The following CYFIP2 variants were observed in gnomAD, a reference collection of about 807,000 sequenced individuals.
CYFIP2 encodes cytoplasmic FMR1 interacting protein 2, also known as cytoplasmic FMR1-interacting protein 2.
CYFIP2 carries 29 observed loss-of-function variants against 158.7 expected under a neutral mutation model. The ratio of observed to expected loss-of-function variants is 0.18; its 90% CI spans 0.14 to 0.25. The LOEUF is 0.25. CYFIP2 is among the 10% of genes least tolerant of loss of function. CYFIP2 has a pLI of 1.00. For synonymous variants in CYFIP2, 585 were observed against 617.6 expected, an observed-to-expected ratio of 0.95 and a Z score of 0.78; for missense variants, 852 against 1,639.5, an observed-to-expected ratio of 0.52 and a Z score of 8.29.
intron 6 of CYFIP2, 113 bp downstream of exon 6, chr5:157,301,009 A>G: frequency 1.1e-6 from 1 of 921,764 alleles, no homozygotes; most frequent in South Asian, 2.3e-5. Context: ...CTTTGATACC[A>G]AACTAGCCAT....
At chr5:157,330,900 G>A in intron 20 of CYFIP2, 50 bp downstream of exon 20, 1 of 1,416,624 alleles carries the variant, frequency 7.1e-7, no homozygotes, top group Admixed American at 1.7e-5. Flanking sequence ...GGAGAGAGCA[G>A]CTGCGAAGTT....
intron 1 of CYFIP2, among the ~76,000 whole-genome samples, chr5:157,279,129 G>A (rs190603199): frequency 1.0e-3 from 154 of 152,238 alleles, no homozygotes; most frequent in African/African-American, 3.4e-3. Context: ...ACATGTCTTT[G>A]CTGGCTACTG....
chr5:157,379,690 A>AAAAC (rs1765859135), intron 26 of CYFIP2, among the ~76,000 whole-genome samples: 1 of 148,270 alleles, frequency 6.7e-6, no homozygotes, highest in Non-Finnish European at 1.5e-5. Context: ...AAAAAAAAAA[A>AAAAC]AAACCCACAC....
chr5:157,392,133 TTTACATATTCTAGATA>T (rs1387919939), intron 30 of CYFIP2, among the ~76,000 whole-genome samples: 9 of 152,230 alleles, frequency 5.9e-5, no homozygotes, highest in Non-Finnish European at 1.0e-4. Flanking sequence ...GTTGAAGTTC[TTTACATATTCTAGATA>T]TTACTTATCA....
intron 26 of CYFIP2, among the ~76,000 whole-genome samples, chr5:157,366,028 TA>T (rs1764336475): frequency 6.6e-6 from 1 of 152,162 alleles, no homozygotes; most frequent in South Asian, 2.1e-4. Context: ...AAATACCTAT[TA>T]GGTTAGCTTC....
chr5:157,318,287 G>A (rs1760312477), intron 13 of CYFIP2, among the ~76,000 whole-genome samples: 1 of 152,136 alleles, frequency 6.6e-6, no homozygotes, highest in African/African-American at 2.4e-5. Context: ...AGAAATCTTT[G>A]CCTTGTCTAG....
chr5:157,275,247 A>G (rs538212905), intron 1 of CYFIP2, among the ~76,000 whole-genome samples: 24 of 152,294 alleles, frequency 1.6e-4, no homozygotes, highest in African/African-American at 5.1e-4. Flanking sequence ...ACATAATTCA[A>G]GGTCACAAAG....
At chr5:157,371,072 A>G (rs1764951889) in intron 26 of CYFIP2, among the ~76,000 whole-genome samples, 1 of 152,194 alleles carries the variant, frequency 6.6e-6, no homozygotes, top group Non-Finnish European at 1.5e-5. Context: ...TGGAGTCCCA[A>G]ATGAGGGCTG....
At chr5:157,370,100 T>C (rs1363239688) in intron 26 of CYFIP2, among the ~76,000 whole-genome samples, 8 of 152,070 alleles carry the variant, frequency 5.3e-5, no homozygotes, top group African/African-American at 1.9e-4. Context: ...AGGCTGGTCT[T>C]GAACTCCTGA....
chr5:157,310,470 C>A (rs1759616863), intron 10 of CYFIP2, among the ~76,000 whole-genome samples: 1 of 152,176 alleles, frequency 6.6e-6, no homozygotes. Context: ...GTGTTGGCAT[C>A]TTAAGAAGAT....
chr5:157,359,116 A>G lies in CYFIP2; in HGVS notation c.2785A>G (p.Met929Val). Residue 929 changes from methionine (M) to valine (V), a missense_variant, in exon 24 of 31, where the codon ATG (methionine) becomes GTG (valine). Physicochemically the swap from Met to Val is conservative, Grantham distance 21 (BLOSUM62 1). Around this residue, in one of 8 missense-constraint regions of CYFIP2, gnomAD observed 191 missense variants for 311.2 expected, o/e 0.61. Coordinates refer to ENST00000620254, the MANE Select transcript of CYFIP2 (RefSeq NM_001037333.3). ...LLGYQGIAVV[M>V]EELLKIVKSL... The stretch of plus-strand genomic sequence containing the variant: ...GGGTTATCAGGGCATCGCTGTGGTC[A>G]TGGAGGAACTGCTAAAGATTGTGAA... 6.2e-7 allele frequency: 1 copy of G among 1,614,018 alleles called. No homozygotes were observed. Among genetic ancestry groups the G allele is most frequent in the Non-Finnish European group, 8.5e-7 (1 of 1,179,874 alleles).
intron 23 of CYFIP2, among the ~76,000 whole-genome samples, chr5:157,343,852 T>C (rs1215411990): frequency 6.6e-6 from 1 of 152,076 alleles, no homozygotes; most frequent in Non-Finnish European, 1.5e-5. Context: ...AAGGGGATTG[T>C]TCTCATCCCC....
At chr5:157,348,981 G>A (rs931158959) in intron 23 of CYFIP2, among the ~76,000 whole-genome samples, 3 of 147,504 alleles carry the variant, frequency 2.0e-5, no homozygotes, top group Admixed American at 2.0e-4. Context: ...TCCCCACACC[G>A]TGTTGCCCAG....
intron 23 of CYFIP2, chr5:157,341,524 C>T: frequency 5.2e-6 from 1 of 193,952 alleles, no homozygotes; most frequent in Non-Finnish European, 1.1e-5. Flanking sequence ...TCGCTCCAGC[C>T]TGGCTGACAG....
rs1218504490 is a variant in CYFIP2, at chr5:157,333,332, G to A, written c.2271G>A (p.Leu757=). ...CTCTCTCTCTCTTCATCCAGCTGTT[G>A]GGTAGATCAATTGACTTGAACAGAC... ...TLLKQRHVQL[L]GRSIDLNRLI... is the part of the protein sequence containing the mutation. Residue 757 remains leucine (L), a synonymous_variant, in exon 21 of 31, where the codon TTG becomes TTA. Coordinates refer to ENST00000620254, the MANE Select transcript of CYFIP2 (RefSeq NM_001037333.3). The A allele has an allele frequency of 6.2e-7, 1 of 1,613,912 alleles. No individual in the cohort carries two copies. The highest frequency in any genetic ancestry group is 1.7e-5 in the Admixed American group (1 of 60,004).
At chr5:157,299,030 C>T (rs913882294) in intron 5 of CYFIP2, among the ~76,000 whole-genome samples, 6 of 152,238 alleles carry the variant, frequency 3.9e-5, no homozygotes, top group South Asian at 2.1e-4. Context: ...TGATCGTTCA[C>T]GTACAAGTAT....
At position 157,333,593 on chromosome 5, in the gene CYFIP2, C is replaced by T. The variant is rs1429012384; in HGVS notation, c.2385+147C>T. The T allele has an allele frequency of 3.4e-6, 4 of 1,171,856 alleles. No homozygotes were observed. In the African/African-American group the frequency reaches 4.6e-5, roughly 14 times the overall value. 72.6% of individuals were successfully genotyped at this position (1,171,856 alleles called of 1,614,324 possible). Reference sequence around the variant, plus strand: ...TCTGAATGGAGCTGGGAAAGAAAAACTTACACAGAATAAGAGTAATCTTAC... The same window carrying T: ...TCTGAATGGAGCTGGGAAAGAAAAATTTACACAGAATAAGAGTAATCTTAC... On this transcript the variant is annotated intron_variant, in intron 21 of 30. Coordinates refer to ENST00000620254, the MANE Select transcript of CYFIP2 (RefSeq NM_001037333.3).
intron 1 of CYFIP2, among the ~76,000 whole-genome samples, chr5:157,283,029 TATCGAGTG>T (rs1406816948): frequency 6.6e-6 from 1 of 152,212 alleles, no homozygotes; most frequent in African/African-American, 2.4e-5. Flanking sequence ...AACCTCCACT[TATCGAGTG>T]TAATCTCAAA....
At chr5:157,327,564 C>CAA (rs34300898) in intron 18 of CYFIP2, among the ~76,000 whole-genome samples, 3 of 126,828 alleles carry the variant, frequency 2.4e-5, no homozygotes, top group Admixed American at 8.1e-5. Flanking sequence ...GACTCTGTCT[C>CAA]AAAAAAAAAA....
Sources: gnomAD v4.1 joint callset for allele counts (sites outside exome capture counted in the v4.1 genomes callset) on GRCh38, gnomAD v4.1.1 for gene constraint, gnomAD v4.1.1 regional missense constraint, MANE v1.5 for transcripts, NCBI Gene and HGNC (gene_info 2026-07-23, HGNC 2026-07-21) for gene names.